The following RHBDL3 variants were observed in gnomAD, a reference collection of about 807,000 sequenced individuals.
The protein encoded by RHBDL3 is rhomboid-related protein 3.
In RHBDL3, 28 loss-of-function variants were observed where a neutral mutation model predicts 48.2. The ratio of observed to expected loss-of-function variants is 0.58; its 90% CI spans 0.43 to 0.80. The LOEUF (loss-of-function observed/expected upper bound fraction) is 0.80. RHBDL3 is among the 30% of genes least tolerant of loss of function. The pLI, the probability that RHBDL3 is intolerant of heterozygous loss-of-function variation, is 0.00. For missense variants in RHBDL3, 464 were observed against 542.7 expected, an observed-to-expected ratio of 0.85 and a Z score of 1.44; for synonymous variants, 208 against 232.3, an observed-to-expected ratio of 0.90 and a Z score of 0.95.
chr17:32,270,566 G>T (rs941735160), intron 2 of RHBDL3, among the ~76,000 whole-genome samples: 6 of 152,044 alleles, frequency 3.9e-5, no homozygotes, highest in African/African-American at 1.5e-4. Context: ...GGTGATGAAA[G>T]CAGGTGACCC....
Position 32,321,311 on chromosome 17 carries a change from C to A in RHBDL3, c.*82C>A. The A allele has an allele frequency of 6.3e-7, 1 of 1,595,230 alleles. No homozygotes were observed. The highest frequency in any genetic ancestry group is 8.5e-7 in the Non-Finnish European group (1 of 1,173,602). On this transcript the variant is annotated 3_prime_UTR_variant, in exon 9 of 9. Transcript: ENST00000269051. ...CTGCGAGGTTTCTTCTCATCACCAG[C>A]TCAGCTAGGCCGGGCAGACAAGGAC...
chr17:32,267,718 T>A, intron 1 of RHBDL3, 184 bp from the exon 2 acceptor site: 1 of 1,194,860 alleles, frequency 8.4e-7, no homozygotes. Flanking sequence ...TGTGGACTCA[T>A]TGGGGAGCTC....
intron 6 of RHBDL3, among the ~76,000 whole-genome samples, 163 bp downstream of exon 6, chr17:32,298,367 A>G (rs1486890056): frequency 6.6e-6 from 1 of 152,162 alleles, no homozygotes; most frequent in African/African-American, 2.4e-5. Flanking sequence ...CCACCTCCCT[A>G]TGAGGCTGGA....
chr17:32,294,034 A>G (rs1009418622), intron 4 of RHBDL3, among the ~76,000 whole-genome samples: 1 of 151,566 alleles, frequency 6.6e-6, no homozygotes, highest in Non-Finnish European at 1.5e-5. Context: ...AGGCTGAGGC[A>G]GGAGAATCGC....
intron 6 of RHBDL3, among the ~76,000 whole-genome samples, chr17:32,301,319 G>A (rs555147579): frequency 7.2e-5 from 11 of 151,866 alleles, no homozygotes; most frequent in African/African-American, 2.4e-4. Flanking sequence ...TGTAATCCCA[G>A]CACTTTGGGA....
At chr17:32,290,886 A>C (rs1455844360) in intron 4 of RHBDL3, among the ~76,000 whole-genome samples, 8 of 151,450 alleles carry the variant, frequency 5.3e-5, no homozygotes, top group African/African-American at 1.9e-4. Context: ...CTGTGGTCCT[A>C]GCTACGTGGG....
intron 6 of RHBDL3, among the ~76,000 whole-genome samples, chr17:32,299,453 C>A (rs999016893): frequency 6.6e-6 from 1 of 152,176 alleles, no homozygotes; most frequent in African/African-American, 2.4e-5. Flanking sequence ...GGCTAATGAG[C>A]ATCTCTAAGT....
intron 7 of RHBDL3, 46 bp downstream of exon 7, chr17:32,305,487 G>C (rs1205969924): frequency 7.6e-7 from 1 of 1,316,998 alleles, no homozygotes; most frequent in East Asian, 2.3e-5. Flanking sequence ...CCTGTCCTCT[G>C]CCATCACTGG....
At position 32,320,978 on chromosome 17, in the gene RHBDL3, GC is replaced by G; in HGVS notation, c.966del (p.Val323CysfsTer36). On this transcript the variant is annotated frameshift_variant, in exon 9 of 9. Transcript: ENST00000269051. LOFTEE classifies it high-confidence loss of function. ...TGCAGTGAGCATGGAGTTTGGGCGG[GC>G]CGTGTGGCTCCGCTTCCACCCGTCG... ...LICMSMEFGR[A>X]VWLRFHPSAY... The G allele has an allele frequency of 6.2e-7, 1 of 1,612,696 alleles. No individual in the cohort carries two copies. The highest frequency in any genetic ancestry group is 8.5e-7 in the Non-Finnish European group (1 of 1,179,734).
intron 4 of RHBDL3, among the ~76,000 whole-genome samples, chr17:32,292,440 ATAG>A (rs2040352424): frequency 6.6e-6 from 1 of 152,214 alleles, no homozygotes; most frequent in African/African-American, 2.4e-5. Flanking sequence ...CATATTCATA[ATAG>A]CATTATTCAC....
chr17:32,271,788 TGGGAGC>T (rs1161129424), intron 2 of RHBDL3, among the ~76,000 whole-genome samples: 1 of 152,226 alleles, frequency 6.6e-6, no homozygotes. Flanking sequence ...CCCTTCTCAC[TGGGAGC>T]CTGTATTTCC....
At chr17:32,319,189 G>A (rs1280749181) in intron 8 of RHBDL3, among the ~76,000 whole-genome samples, 6 of 151,920 alleles carry the variant, frequency 3.9e-5, no homozygotes, top group African/African-American at 1.4e-4. Flanking sequence ...TTGGGAGGCC[G>A]AGGCGGACGG....
chr17:32,320,979 C>T lies in RHBDL3; in HGVS notation c.965C>T (p.Ala322Val), dbSNP rs1029382689. 1 of 1,612,698 alleles carries T rather than the reference C, an allele frequency of 6.2e-7. No individual in the cohort carries two copies. Among genetic ancestry groups the T allele is most frequent in the Non-Finnish European group, 8.5e-7 (1 of 1,179,672 alleles). ...LICMSMEFGRAVWLRFHPSAY... is the reference protein window; with the variant it reads ...LICMSMEFGRVVWLRFHPSAY... Reference sequence around the variant, plus strand: ...GCAGTGAGCATGGAGTTTGGGCGGGCCGTGTGGCTCCGCTTCCACCCGTCG... The same window carrying T: ...GCAGTGAGCATGGAGTTTGGGCGGGTCGTGTGGCTCCGCTTCCACCCGTCG... The change falls in exon 9 of 9, where the codon GCC becomes GTC. Residue 322 changes from alanine to valine, a missense_variant. By Grantham distance (64) the Ala-to-Val change is moderately conservative. Transcript: ENST00000269051.
chr17:32,297,121 G>T (rs2040469267), intron 5 of RHBDL3, among the ~76,000 whole-genome samples: 1 of 152,032 alleles, frequency 6.6e-6, no homozygotes, highest in Non-Finnish European at 1.5e-5. Context: ...GCAGTGCTAG[G>T]ATTACAGGCA....
intron 7 of RHBDL3, among the ~76,000 whole-genome samples, chr17:32,307,228 G>T (rs1212112026): frequency 6.6e-6 from 1 of 152,134 alleles, no homozygotes; most frequent in Admixed American, 6.5e-5. Context: ...CCAGTACCTG[G>T]CATATGGCTG....
chr17:32,267,018 C>T (rs941084260), intron 1 of RHBDL3, among the ~76,000 whole-genome samples: 1 of 152,088 alleles, frequency 6.6e-6, no homozygotes, highest in Non-Finnish European at 1.5e-5. Flanking sequence ...CCCTGCGAAG[C>T]CCTGGGAACT....
chr17:32,290,213 C>A (rs1328059508), intron 4 of RHBDL3, among the ~76,000 whole-genome samples: 1 of 152,186 alleles, frequency 6.6e-6, no homozygotes, highest in African/African-American at 2.4e-5. Context: ...AGATTTTAAC[C>A]CAACACGAAT....
chr17:32,305,056 G>C (rs2040675797), intron 6 of RHBDL3, among the ~76,000 whole-genome samples: 1 of 151,980 alleles, frequency 6.6e-6, no homozygotes, highest in Non-Finnish European at 1.5e-5. Flanking sequence ...GGGGGTCAAG[G>C]CTGTAGTGAG....
At chr17:32,299,774 C>T (rs186680948) in intron 6 of RHBDL3, among the ~76,000 whole-genome samples, 57 of 152,304 alleles carry the variant, frequency 3.7e-4, no homozygotes, top group Admixed American at 2.2e-3. Flanking sequence ...AGCTCATCAC[C>T]TGAATGTGAG....
Sources: gnomAD v4.1 joint callset for allele counts (sites outside exome capture counted in the v4.1 genomes callset) on GRCh38, gnomAD v4.1.1 for gene constraint, MANE v1.5 for transcripts, NCBI Gene and HGNC (gene_info 2026-07-23, HGNC 2026-07-21) for gene names.